Variants in RYR2 observed in about 807,000 individuals in gnomAD.
RYR2 encodes the protein cardiac muscle ryanodine receptor-calcium release channel.
Under a neutral mutation model 601.1 loss-of-function variants are expected in RYR2, and 227 were observed. The ratio of observed to expected loss-of-function variants is 0.38; its 90% CI spans 0.34 to 0.42. RYR2 has a LOEUF of 0.42. RYR2 is among the 10% of genes least tolerant of loss of function. The pLI, the probability that RYR2 is intolerant of heterozygous loss-of-function variation, is 1.00. For synonymous variants in RYR2, 2,223 were observed against 2,175.1 expected (o/e 1.02, Z -0.61); for missense variants, 4,646 against 6,156.5 (o/e 0.75, Z 8.21).
chr1:237,442,530 C>T (rs1708003482), intron 13 of RYR2, among the ~76,000 whole-genome samples: 2 of 152,146 alleles, frequency 1.3e-5, no homozygotes, highest in South Asian at 4.1e-4. Flanking sequence ...ACATCATTGA[C>T]TATCCTGTTT....
chr1:237,325,961 AG>A (rs1479236264), intron 2 of RYR2, among the ~76,000 whole-genome samples: 1 of 152,174 alleles, frequency 6.6e-6, no homozygotes, highest in Non-Finnish European at 1.5e-5. Flanking sequence ...GTAGTTTATT[AG>A]TATGCAGTTT....
intron 14 of RYR2, among the ~76,000 whole-genome samples, chr1:237,446,372 A>G (rs1708338776): frequency 2.6e-5 from 4 of 151,202 alleles, no homozygotes; most frequent in Admixed American, 6.6e-5. Context: ...TTCTTCATTT[A>G]TTTTTTCTTT....
At chr1:237,630,984 C>T (rs1396689666) in intron 41 of RYR2, among the ~76,000 whole-genome samples, 1 of 152,024 alleles carries the variant, frequency 6.6e-6, no homozygotes, top group Non-Finnish European at 1.5e-5. Context: ...TACACAAATA[C>T]TGAATGTAAT....
intron 70 of RYR2, among the ~76,000 whole-genome samples, chr1:237,710,093 G>T (rs1015712125): frequency 1.3e-5 from 2 of 151,982 alleles, no homozygotes; most frequent in African/African-American, 4.8e-5. Context: ...GTACGTATTT[G>T]GTGAATTTTC....
rs756719910 is a variant in RYR2 at position 237,374,813 on chromosome 1, C to T, written c.463+18C>T. 1.7e-5 allele frequency: 28 copies of T among 1,602,278 alleles called. No individual in the cohort carries two copies. The highest frequency in any genetic ancestry group is 1.6e-4 in the Middle Eastern group (1 of 6,066). On this transcript the variant is annotated intron_variant, in intron 7 of 104. Coordinates refer to ENST00000366574, the MANE Select transcript of RYR2 (RefSeq NM_001035.3). ...CACCACAGGTAAGCATCTTGTGCTG[C>T]GGGAAGCCAGGTTCAGAGAGAACCC...
chr1:237,090,897 A>G (rs563045429), intron 1 of RYR2, among the ~76,000 whole-genome samples: 3 of 152,264 alleles, frequency 2.0e-5, no homozygotes, highest in Non-Finnish European at 4.4e-5. Context: ...ACTATGTCAC[A>G]TGTACAGTTG....
chr1:237,057,735 T>G (rs1228307642), intron 1 of RYR2, among the ~76,000 whole-genome samples: 1 of 152,176 alleles, frequency 6.6e-6, no homozygotes, highest in Non-Finnish European at 1.5e-5. Flanking sequence ...AGAGGAGAAG[T>G]GGTGATTGAT....
In RYR2 at chr1:237,445,459, A is replaced by T. The variant is rs1484635180; in HGVS notation, c.1229A>T (p.His410Leu). The T allele has an allele frequency of 6.2e-7, 1 of 1,613,804 alleles. No individual in the cohort carries two copies. Among genetic ancestry groups the T allele is most frequent in the Non-Finnish European group, 8.5e-7 (1 of 1,179,748 alleles). Residue 410 changes from histidine (H) to leucine (L), a missense_variant, in exon 14 of 105, where the codon CAT (histidine) becomes CTT (leucine). His to Leu is a moderately conservative substitution (Grantham distance 99). Around this residue, in one of 17 missense-constraint regions of RYR2, gnomAD observed 1,807 missense variants for 2,088.1 expected, o/e 0.87. Transcript: ENST00000366574. ...GGCATAAGTTTGTCGAGATCCCAGC[A>T]TGAAGAATCACGCACAGCCCGAGTT... The part of the protein sequence containing the change: ...DDGISLSRSQ[H>L]EESRTARVIR...
intron 40 of RYR2, among the ~76,000 whole-genome samples, chr1:237,626,022 G>C (rs1679609137): frequency 6.6e-6 from 1 of 152,198 alleles, no homozygotes; most frequent in Admixed American, 6.5e-5. Context: ...GATAAAGATG[G>C]ATGGTCTCCA....
At chr1:237,091,731 C>T (rs1009734735) in intron 1 of RYR2, among the ~76,000 whole-genome samples, 7 of 152,130 alleles carry the variant, frequency 4.6e-5, no homozygotes, top group East Asian at 3.9e-4. Context: ...GACCCAGGGA[C>T]GGTTCTAAGA....
At chr1:237,623,359 G>GTTTCTTTCTTTC (rs1189274935) in intron 38 of RYR2, among the ~76,000 whole-genome samples, 1 of 48,940 alleles carries the variant, frequency 2.0e-5, no homozygotes, top group African/African-American at 5.7e-5. Context: ...GCCTTTCTTT[G>GTTTCTTTCTTTC]TTTCTTTCTT....
intron 24 of RYR2, among the ~76,000 whole-genome samples, chr1:237,526,930 T>C (rs971689395): frequency 6.6e-6 from 1 of 152,224 alleles, no homozygotes; most frequent in Non-Finnish European, 1.5e-5. Flanking sequence ...TAGGTTTTCT[T>C]CTAGGTCTTA....
chr1:237,433,337 G>A (rs1461210882), intron 12 of RYR2, among the ~76,000 whole-genome samples: 1 of 61,546 alleles, frequency 1.6e-5, no homozygotes, highest in Admixed American at 1.9e-4. Flanking sequence ...TAGAGTAATT[G>A]ATAGTGCTGA....
intron 2 of RYR2, among the ~76,000 whole-genome samples, chr1:237,273,367 G>T (rs1212409115): frequency 6.6e-6 from 1 of 152,220 alleles, no homozygotes; most frequent in Non-Finnish European, 1.5e-5. Flanking sequence ...AAGCTTGCCT[G>T]CTGCTCACTT....
chr1:237,148,047 G>A (rs1216867538), intron 1 of RYR2, among the ~76,000 whole-genome samples: 1 of 152,176 alleles, frequency 6.6e-6, no homozygotes, highest in Non-Finnish European at 1.5e-5. Context: ...TAATATGACA[G>A]TTTTCTCCTG....
At chr1:237,428,347 C>T (rs777098773) in intron 12 of RYR2, among the ~76,000 whole-genome samples, 2 of 152,062 alleles carry the variant, frequency 1.3e-5, no homozygotes, top group Non-Finnish European at 2.9e-5. Flanking sequence ...ATGGAATAAA[C>T]CCAAATGCCC....
intron 80 of RYR2, among the ~76,000 whole-genome samples, chr1:237,751,424 T>A (rs1692527278): frequency 1.3e-5 from 2 of 152,372 alleles, no homozygotes; most frequent in Middle Eastern, 3.4e-3. Flanking sequence ...TTGTTATACC[T>A]TGTTAATTAA....
rs1448423683 is a variant in RYR2 at position 237,042,288 on chromosome 1, C to G, written c.-234C>G. ...GCGTCCTCCGGGCCCGGGCCGCCCT[C>G]CTCCCGCACAGTGCGGAGCAGGGAG... On this transcript the variant is annotated 5_prime_UTR_variant, in exon 1 of 105. Coordinates refer to ENST00000366574, the MANE Select transcript of RYR2 (RefSeq NM_001035.3). The G allele has an allele frequency of 1.8e-5, 4 of 228,392 alleles. No homozygotes were observed. Among genetic ancestry groups the G allele is most frequent in the Non-Finnish European group, 2.5e-5 (3 of 120,046 alleles). 14.1% of individuals were successfully genotyped at this position (228,392 alleles called of 1,614,324 possible).
intron 84 of RYR2, among the ~76,000 whole-genome samples, chr1:237,767,667 T>A (rs897131493): frequency 1.3e-5 from 2 of 152,208 alleles, no homozygotes; most frequent in East Asian, 3.8e-4. Flanking sequence ...TGTAAGCTTA[T>A]TTTTTAAATT....
Sources: gnomAD v4.1 joint callset for allele counts (sites outside exome capture counted in the v4.1 genomes callset) on GRCh38, gnomAD v4.1.1 for gene constraint, gnomAD v4.1.1 regional missense constraint, MANE v1.5 for transcripts, NCBI Gene and HGNC (gene_info 2026-07-23, HGNC 2026-07-21) for gene names.